The following SUSD3 variants were observed in gnomAD, a reference collection of about 807,000 sequenced individuals.
SUSD3 encodes sushi domain-containing protein 3.
In SUSD3, 18 loss-of-function variants were observed where a neutral mutation model predicts 20.6. The ratio of observed to expected loss-of-function variants is 0.87; its 90% CI spans 0.60 to 1.30. SUSD3 has a LOEUF of 1.30. Ranked by LOEUF, SUSD3 falls within the 50% of genes most tolerant of loss-of-function variation. SUSD3 has a pLI of 0.00. For missense variants in SUSD3, 306 were observed against 346.9 expected (o/e 0.88, Z 0.94); for synonymous variants, 137 against 141.5 (o/e 0.97, Z 0.23).
Position 93,077,793 on chromosome 9 carries a change from C to G in SUSD3, c.278-53C>G, listed in dbSNP as rs1032439280. The G allele has an allele frequency of 9.3e-6, 15 of 1,608,562 alleles. No individual in the cohort carries two copies. The African/African-American group carries it at 2.0e-4, about 21-fold the overall frequency. ...CCCCTGAGACCCCCAACCCCTGGGC[C>G]AAGCAAATCTGGGCAAACCTCGCCC... On this transcript the variant is annotated intron_variant, in intron 2 of 4. Coordinates refer to ENST00000375472, the MANE Select transcript of SUSD3 (RefSeq NM_145006.4).
chr9:93,081,408 A>T (rs1826409349), intron 4 of SUSD3, among the ~76,000 whole-genome samples: 1 of 152,154 alleles, frequency 6.6e-6, no homozygotes, highest in South Asian at 2.1e-4. Context: ...CTGTATGACT[A>T]ACAGCTCCAT....
intron 4 of SUSD3, among the ~76,000 whole-genome samples, chr9:93,081,687 C>T (rs1826420629): frequency 6.6e-6 from 1 of 152,168 alleles, no homozygotes. Context: ...ACCTTTCTGT[C>T]TCCTTTCCTG....
At chr9:93,077,750 C>A in intron 2 of SUSD3, 96 bp from the exon 3 acceptor site, 1 of 1,391,918 alleles carries the variant, frequency 7.2e-7, no homozygotes. Flanking sequence ...TGTCTACACC[C>A]AGGCCCTACC....
intron 2 of SUSD3, 81 bp downstream of exon 2, chr9:93,076,053 GA>G (rs1826147766): frequency 2.4e-6 from 3 of 1,269,366 alleles, no homozygotes; most frequent in African/African-American, 3.0e-5. Flanking sequence ...TGTGGGTGGG[GA>G]TGGCGTGGGT....
chr9:93,069,137 C>A, intron 1 of SUSD3: 1 of 702,508 alleles, frequency 1.4e-6, no homozygotes, highest in Non-Finnish European at 2.6e-6. Context: ...TGGGAAATTC[C>A]AGAGATAATT....
At chr9:93,072,387 G>A (rs1406284204) in intron 1 of SUSD3, among the ~76,000 whole-genome samples, 3 of 152,170 alleles carry the variant, frequency 2.0e-5, no homozygotes, top group Admixed American at 6.5e-5. Context: ...TGGGGAGTGG[G>A]TCAATGTGAC....
At chr9:93,073,818 C>T (rs1722145467) in intron 1 of SUSD3, among the ~76,000 whole-genome samples, 1 of 152,180 alleles carries the variant, frequency 6.6e-6, no homozygotes, top group South Asian at 2.1e-4. Flanking sequence ...AGCACAACGA[C>T]TCAGATGCAT....
intron 1 of SUSD3, among the ~76,000 whole-genome samples, chr9:93,060,763 A>G (rs1040316180): frequency 6.6e-6 from 1 of 152,196 alleles, no homozygotes; most frequent in Non-Finnish European, 1.5e-5. Flanking sequence ...GCTTTCGTCC[A>G]GAGTTCGAGG....
intron 3 of SUSD3, among the ~76,000 whole-genome samples, chr9:93,079,164 G>A (rs774252108): frequency 1.5e-4 from 23 of 152,182 alleles, no homozygotes; most frequent in Admixed American, 3.9e-4. Context: ...ATGTAGTGCA[G>A]CCATTAGCAC....
rs143182021 is a variant in SUSD3 at position 93,073,639 on chromosome 9, G to A, written c.89-2145G>A. ...AGATAAGCAGGAGGAAGAGCCTCCT[G>A]GATTTGGACACCAGGAGACCTGCTT... On this transcript the variant is annotated intron_variant, in intron 1 of 4. Transcript: ENST00000375472. Among the ~76,000 whole-genome samples the A allele has an allele frequency of 8.3e-3, 1,258 of 152,262 alleles. 11 individuals carry two copies. Among genetic ancestry groups the A allele is most frequent in the Non-Finnish European group, 0.014 (921 of 68,010 alleles).
chr9:93,079,346 T>G, intron 3 of SUSD3, 125 bp from the exon 4 acceptor site: 1 of 1,040,038 alleles, frequency 9.6e-7, no homozygotes, highest in Non-Finnish European at 1.4e-6. Context: ...GCCCAGCTCT[T>G]TGAGAGGTTT....
chr9:93,079,710 C>T (rs1392991043), intron 4 of SUSD3, 108 bp downstream of exon 4: 24 of 1,231,168 alleles, frequency 1.9e-5, no homozygotes, highest in Admixed American at 1.6e-4. Context: ...TGCTCCCACA[C>T]GCCTAGCCCA....
chr9:93,059,214 C>T (rs1034869161), intron 1 of SUSD3, among the ~76,000 whole-genome samples: 4 of 150,834 alleles, frequency 2.7e-5, no homozygotes, highest in Admixed American at 2.6e-4. Flanking sequence ...GGCGCGGGGG[C>T]GGGAGGGGGG....
chr9:93,079,407 G>T, intron 3 of SUSD3, 64 bp from the exon 4 acceptor site: 1 of 1,580,220 alleles, frequency 6.3e-7, no homozygotes, highest in Non-Finnish European at 8.6e-7. Flanking sequence ...CATGGAGCCT[G>T]TTTCCACCAC....
At chr9:93,075,740 ACCC>A (rs748856301) in intron 1 of SUSD3, 41 bp from the exon 2 acceptor site, 1,699 of 144,586 alleles carry the variant, frequency 0.012, 6 homozygotes, top group Middle Eastern at 0.021. Context: ...CTGCGTGCCC[ACCC>A]CCCCCCCCCC....
chr9:93,073,202 C>T lies in SUSD3; in HGVS notation c.89-2582C>T, dbSNP rs568091352. ...ACTGCTGCCTCCGGTCAGTCTCTGCCTCTGCACACACCATGCATCAGCACG... is the reference window on the plus strand; with the variant it reads ...ACTGCTGCCTCCGGTCAGTCTCTGCTTCTGCACACACCATGCATCAGCACG... On this transcript the variant is annotated intron_variant, in intron 1 of 4. Coordinates refer to ENST00000375472, the MANE Select transcript of SUSD3 (RefSeq NM_145006.4). Among the ~76,000 whole-genome samples the T allele has an allele frequency of 3.3e-5, 5 of 151,914 alleles. No homozygotes were observed. In the South Asian group the frequency reaches 8.3e-4, roughly 25 times the overall value.
intron 3 of SUSD3, among the ~76,000 whole-genome samples, chr9:93,078,254 TTTTA>T (rs1267595168): frequency 6.6e-6 from 1 of 152,176 alleles, no homozygotes; most frequent in Non-Finnish European, 1.5e-5. Context: ...CGGGGGATTA[TTTTA>T]TTTATTTATT....
At chr9:93,078,151 T>A (rs1378677652) in intron 3 of SUSD3, among the ~76,000 whole-genome samples, 158 bp downstream of exon 3, 1 of 152,208 alleles carries the variant, frequency 6.6e-6, no homozygotes, top group Non-Finnish European at 1.5e-5. Flanking sequence ...CCCCAAGTGC[T>A]GCTCCCGGCC....
chr9:93,064,330 G>A (rs1485388151), intron 1 of SUSD3, among the ~76,000 whole-genome samples: 1 of 152,212 alleles, frequency 6.6e-6, no homozygotes. Flanking sequence ...ACAGGCGTGA[G>A]CCACCGCACC....
Sources: allele counts gnomAD v4.1 joint callset (sites outside exome capture counted in the v4.1 genomes callset), GRCh38; gene constraint gnomAD v4.1.1; transcripts MANE v1.5; gene names NCBI Gene and HGNC (gene_info 2026-07-23, HGNC 2026-07-21).